NDUFAF5: variants seen among roughly 807,000 people sequenced by gnomAD.
NDUFAF5 encodes the protein NADH:ubiquinone oxidoreductase complex assembly factor 5, also known as arginine-hydroxylase NDUFAF5, mitochondrial.
In NDUFAF5, 34 loss-of-function variants were observed where a neutral mutation model predicts 48.9. The observed-to-expected ratio is 0.70, with a 90% CI of 0.53 to 0.93. NDUFAF5 has a LOEUF of 0.93. NDUFAF5 is among the 40% of genes least tolerant of loss of function. The pLI, the probability that NDUFAF5 is intolerant of heterozygous loss-of-function variation, is 0.00. For synonymous variants in NDUFAF5, 153 were observed against 150.6 expected, an observed-to-expected ratio of 1.02 and a Z score of -0.12; for missense variants, 428 against 427.5, an observed-to-expected ratio of 1.00 and a Z score of -0.01.
rs966441079 is a variant in NDUFAF5, at chr20:13,818,001, G to A, written c.*791G>A. ...GGCTGAGAAGCAAGCAGGAGTGAGC[G>A]CTAAGTGTTTTGTTTCCAGTTAGCT... On this transcript the variant is annotated 3_prime_UTR_variant, in exon 11 of 11. Coordinates refer to ENST00000378106, the MANE Select transcript of NDUFAF5 (RefSeq NM_024120.5). 5 of 454,120 alleles carry A rather than the reference G, an allele frequency of 1.1e-5. No homozygotes were observed. The highest frequency in any genetic ancestry group is 6.9e-5 in the East Asian group (1 of 14,394). The allele number at this position is 454,120 out of a possible 1,614,324, so 28.1% of individuals were successfully genotyped here. A position where few individuals can be genotyped will look rare whatever the true frequency, so the allele number is the denominator to read the frequency against.
chr20:13,787,266 AAG>A (rs1349987988), intron 1 of NDUFAF5, 44 bp from the exon 2 acceptor site: 1 of 1,600,098 alleles, frequency 6.2e-7, no homozygotes, highest in African/African-American at 1.3e-5. Context: ...ATACTGGAAA[AAG>A]AGTGTTACTT....
chr20:13,785,204 A>G lies in NDUFAF5; in HGVS notation c.136A>G (p.Ile46Val), dbSNP rs372821898. 1.2e-6 allele frequency: 2 copies of G among 1,613,688 alleles called. No individual in the cohort carries two copies. Among genetic ancestry groups the G allele is most frequent in the Non-Finnish European group, 8.5e-7 (1 of 1,179,860 alleles). The change falls in exon 1 of 11, where the codon ATT becomes GTT. Residue 46 changes from isoleucine (I) to valine (V), a missense_variant. Transcript: ENST00000378106. ...TAGCACCTCGCCCAGAACCCTGAATATTTTCGACCGGGATTTGAAAAGGAA... is the reference window on the plus strand; with the variant it reads ...TAGCACCTCGCCCAGAACCCTGAATGTTTTCGACCGGGATTTGAAAAGGAA... ...RGSTSPRTLN[I>V]FDRDLKRKQK...
chr20:13,798,637 C>T, intron 6 of NDUFAF5, 137 bp downstream of exon 6: 3 of 738,002 alleles, frequency 4.1e-6, no homozygotes, highest in Non-Finnish European at 7.3e-6. Context: ...TCATCTGGTG[C>T]CATTTGGCAT....
chr20:13,813,286 A>T (rs1429258865), intron 8 of NDUFAF5, among the ~76,000 whole-genome samples: 1 of 152,212 alleles, frequency 6.6e-6, no homozygotes, highest in Non-Finnish European at 1.5e-5. Context: ...ATGGCCTAAT[A>T]CTTTCAGATG....
Position 13,818,398 on chromosome 20 carries a change from A to C in NDUFAF5, c.*1188A>C. ...CGCTTGGTAGCTTTTTTGTTTTAACACAAAGTAAACCTGTGAAGTAGAATT... is the reference window on the plus strand; with the variant it reads ...CGCTTGGTAGCTTTTTTGTTTTAACCCAAAGTAAACCTGTGAAGTAGAATT... On this transcript the variant is annotated 3_prime_UTR_variant, in exon 11 of 11. Transcript: ENST00000378106. The C allele has an allele frequency of 2.8e-6, 1 of 354,818 alleles. No homozygotes were observed. The highest frequency in any genetic ancestry group is 2.2e-5 in the South Asian group (1 of 46,310). 22.0% of individuals were successfully genotyped at this position (354,818 alleles called of 1,614,324 possible).
intron 8 of NDUFAF5, chr20:13,814,538 A>T (rs1342823776): frequency 1.1e-5 from 13 of 1,141,358 alleles, no homozygotes; most frequent in Non-Finnish European, 1.5e-5. Context: ...ATTTTTTTAA[A>T]CAATACTCAG....
intron 6 of NDUFAF5, among the ~76,000 whole-genome samples, chr20:13,799,868 A>G (rs939228594): frequency 6.6e-6 from 1 of 152,174 alleles, no homozygotes; most frequent in Non-Finnish European, 1.5e-5. Context: ...TTGGTGACTG[A>G]TTAGATCTGA....
intron 8 of NDUFAF5, chr20:13,814,497 C>T: frequency 7.8e-7 from 1 of 1,286,974 alleles, no homozygotes; most frequent in Non-Finnish European, 1.0e-6. Context: ...ATTTTCAAGG[C>T]TTTCACAGTG....
At chr20:13,796,939 A>G (rs1983321765) in intron 5 of NDUFAF5, among the ~76,000 whole-genome samples, 1 of 152,230 alleles carries the variant, frequency 6.6e-6, no homozygotes, top group Non-Finnish European at 1.5e-5. Context: ...AGATCGCGCC[A>G]CTGCACTCCA....
chr20:13,808,368 C>T (rs1002184122), intron 7 of NDUFAF5, among the ~76,000 whole-genome samples: 5 of 152,104 alleles, frequency 3.3e-5, no homozygotes, highest in Admixed American at 2.0e-4. Context: ...CATGTATCAG[C>T]AATGTGCTCA....
chr20:13,816,669 C>A, intron 9 of NDUFAF5, 123 bp downstream of exon 9: 1 of 837,848 alleles, frequency 1.2e-6, no homozygotes, highest in Middle Eastern at 3.3e-4. Flanking sequence ...TCTTGTCCTT[C>A]CTCTCAAAAC....
At position 13,818,328 on chromosome 20, in the gene NDUFAF5, T is replaced by C. The variant is rs1396672508; in HGVS notation, c.*1118T>C. On this transcript the variant is annotated 3_prime_UTR_variant, in exon 11 of 11. Transcript: ENST00000378106. ...GATTTGTAGGAGAAAAAGAAATTAT[T>C]GTTCCCTTCAGTTTGAAAAATCATC... 1 of 419,718 alleles carries C rather than the reference T, an allele frequency of 2.4e-6. No individual in the cohort carries two copies. Among genetic ancestry groups the C allele is most frequent in the Non-Finnish European group, 4.7e-6 (1 of 210,734 alleles). 26.0% of individuals were successfully genotyped at this position (419,718 alleles called of 1,614,324 possible). A position where few individuals can be genotyped will look rare whatever the true frequency, so the allele number is the denominator to read the frequency against.
At chr20:13,808,576 T>A (rs1484714431) in intron 7 of NDUFAF5, among the ~76,000 whole-genome samples, 1 of 152,178 alleles carries the variant, frequency 6.6e-6, no homozygotes, top group Non-Finnish European at 1.5e-5. Context: ...GGGTACAGAA[T>A]ACTCTTATTC....
At position 13,818,033 on chromosome 20, in the gene NDUFAF5, T is replaced by C. The variant is rs115960330; in HGVS notation, c.*823T>C. 2,178 of 449,488 alleles carry C rather than the reference T, an allele frequency of 4.8e-3. 39 individuals carry two copies. Among genetic ancestry groups the C allele is most frequent in the African/African-American group, 0.04 (2,001 of 50,014 alleles). 27.8% of individuals were successfully genotyped at this position (449,488 alleles called of 1,614,324 possible). ...GTTTTGTTTCCAGTTAGCTGTTCGC[T>C]GTCTTTTCCATTTAACCTGGGCACT... On this transcript the variant is annotated 3_prime_UTR_variant, in exon 11 of 11. Coordinates refer to ENST00000378106, the MANE Select transcript of NDUFAF5 (RefSeq NM_024120.5).
intron 7 of NDUFAF5, among the ~76,000 whole-genome samples, chr20:13,805,936 T>A (rs575433188): frequency 2.0e-5 from 3 of 152,038 alleles, no homozygotes; most frequent in East Asian, 1.9e-4. Context: ...CCAAAAAAAA[T>A]AATAATAATA....
At chr20:13,786,456 G>A (rs1046267937) in intron 1 of NDUFAF5, among the ~76,000 whole-genome samples, 1 of 152,128 alleles carries the variant, frequency 6.6e-6, no homozygotes, top group East Asian at 1.9e-4. Context: ...TTGAGGCCTC[G>A]CCAATTTGTG....
chr20:13,797,658 G>C (rs965312319), intron 5 of NDUFAF5, among the ~76,000 whole-genome samples: 2 of 152,092 alleles, frequency 1.3e-5, no homozygotes, highest in African/African-American at 4.8e-5. Context: ...TATAATATTG[G>C]ATATATGACA....
chr20:13,803,409 A>G (rs1052634104), intron 7 of NDUFAF5: 3 of 152,270 alleles, frequency 2.0e-5, no homozygotes, highest in African/African-American at 7.2e-5. Flanking sequence ...CACTATTAAT[A>G]CAGGCAATTG....
rs1986899144 is a variant in NDUFAF5 at position 13,820,366 on chromosome 20, GA to G, written c.*3158del. 1 of 152,062 alleles carries G rather than the reference GA, an allele frequency of 6.6e-6. No homozygotes were observed. Among genetic ancestry groups the G allele is most frequent in the Non-Finnish European group, 1.5e-5 (1 of 68,026 alleles). The allele number at this position is 152,062 out of a possible 1,614,324, so 9.4% of individuals were successfully genotyped here. ...TAGTACCATTTTCATCCACTAGGTG[GA>G]AGCAATTACAGTATGACCTGCATTA... On this transcript the variant is annotated 3_prime_UTR_variant, in exon 11 of 11. Coordinates refer to ENST00000378106, the MANE Select transcript of NDUFAF5 (RefSeq NM_024120.5).
Sources: allele counts gnomAD v4.1 joint callset (sites outside exome capture counted in the v4.1 genomes callset), GRCh38; gene constraint gnomAD v4.1.1; transcripts MANE v1.5; gene names NCBI Gene and HGNC (gene_info 2026-07-23, HGNC 2026-07-21).